Variants in PAQR5 observed in about 807,000 individuals in gnomAD.
The protein encoded by PAQR5 is progestin and adipoQ receptor family member 5.
PAQR5 carries 20 observed loss-of-function variants against 34.5 expected under a neutral mutation model. That is an observed-to-expected ratio of 0.58 (90% CI 0.41 to 0.84). The LOEUF (loss-of-function observed/expected upper bound fraction) is 0.84, where lower values mean the gene tolerates loss of function less well. PAQR5 is among the 40% of genes least tolerant of loss of function. PAQR5 has a pLI of 0.00. For synonymous variants in PAQR5, 131 were observed against 155.6 expected (o/e 0.84, Z 1.18); for missense variants, 378 against 412.7 (o/e 0.92, Z 0.73).
intron 6 of PAQR5, among the ~76,000 whole-genome samples, chr15:69,395,994 T>G (rs1301995279): frequency 1.3e-5 from 2 of 151,866 alleles, no homozygotes; most frequent in Non-Finnish European, 2.9e-5. Flanking sequence ...GGGCCATTTG[T>G]GCTCGGTTGC....
chr15:69,336,785 T>G (rs1247215356), intron 1 of PAQR5, among the ~76,000 whole-genome samples: 1 of 152,248 alleles, frequency 6.6e-6, no homozygotes, highest in Admixed American at 6.5e-5. Context: ...TATAAATATG[T>G]TATTAGTATG....
chr15:69,356,172 T>C (rs1450652415), intron 2 of PAQR5, among the ~76,000 whole-genome samples: 1 of 152,164 alleles, frequency 6.6e-6, no homozygotes, highest in African/African-American at 2.4e-5. Flanking sequence ...GGTAGGCAGG[T>C]CTGTGGAGAC....
intron 7 of PAQR5, 21 bp from the exon 8 acceptor site, chr15:69,399,953 T>C (rs377191861): frequency 2.0e-5 from 32 of 1,609,414 alleles, no homozygotes; most frequent in Admixed American, 5.0e-5. Flanking sequence ...CAAGACCTGA[T>C]GTTTCTTTAA....
intron 1 of PAQR5, among the ~76,000 whole-genome samples, chr15:69,327,113 T>C (rs2054271913): frequency 6.6e-6 from 1 of 151,936 alleles, no homozygotes; most frequent in African/African-American, 2.4e-5. Context: ...GCCTCCCTAG[T>C]AGCTGGGGCT....
At chr15:69,311,038 CAAAAAATAAAAAAA>C (rs1236193914) in intron 1 of PAQR5, among the ~76,000 whole-genome samples, 4 of 36,120 alleles carry the variant, frequency 1.1e-4, no homozygotes, top group African/African-American at 2.4e-4. Context: ...GACTCCGTCG[CAAAAAATAAAAAAA>C]AAAAAAAAAA....
In PAQR5 at chr15:69,355,341, TTTTTTTCTTTCTTTCTTTCTTTCTTTC is replaced by T. The variant is rs2055041866; in HGVS notation, c.-115-4621_-115-4595del. Among the ~76,000 whole-genome samples the T allele has an allele frequency of 8.4e-3, 389 of 46,462 alleles. 2 individuals are homozygous for T. The highest frequency in any genetic ancestry group is 0.074 in the Middle Eastern group (7 of 94). 30.5% of individuals were successfully genotyped at this position (46,462 alleles called of 152,430 possible). ...CTTTCTTTCTTTCTTTCTTTCTTTC[TTTTTTTCTTTCTTTCTTTCTTTCTTTC>T]TTTCTTTCTTTCTTTCTTTCTCTTT... is the stretch of plus-strand genomic sequence containing the variant. On this transcript the variant is annotated intron_variant, in intron 2 of 8. Transcript: ENST00000395407.
intron 3 of PAQR5, among the ~76,000 whole-genome samples, 162 bp downstream of exon 3, chr15:69,360,293 T>A (rs188732810): frequency 1.1e-3 from 162 of 152,278 alleles, no homozygotes; most frequent in Non-Finnish European, 4.9e-4. Flanking sequence ...GCCTCCTACT[T>A]CCCCCACCTA....
intron 1 of PAQR5, among the ~76,000 whole-genome samples, chr15:69,301,699 C>T (rs921137635): frequency 1.3e-5 from 2 of 152,002 alleles, no homozygotes; most frequent in African/African-American, 2.4e-5. Flanking sequence ...GTTATTTTCT[C>T]ATGTGTATTA....
intron 1 of PAQR5, among the ~76,000 whole-genome samples, chr15:69,306,155 T>G (rs1803576355): frequency 6.6e-6 from 1 of 151,112 alleles, no homozygotes; most frequent in African/African-American, 2.4e-5. Context: ...ATGCATGGAG[T>G]GGGGTGTGGG....
chr15:69,356,944 G>A (rs2055094469), intron 2 of PAQR5, among the ~76,000 whole-genome samples: 1 of 152,108 alleles, frequency 6.6e-6, no homozygotes, highest in African/African-American at 2.4e-5. Flanking sequence ...GGGCCTGGAG[G>A]GAGGTGTTTG....
intron 1 of PAQR5, among the ~76,000 whole-genome samples, chr15:69,332,813 C>A (rs867202822): frequency 2.9e-5 from 4 of 140,058 alleles, no homozygotes; most frequent in Middle Eastern, 3.8e-3. Flanking sequence ...AAAGAAACGG[C>A]TTACCTTCTC....
chr15:69,319,158 CATATATATATATATATAT>C (rs869082537), intron 1 of PAQR5, among the ~76,000 whole-genome samples: 84 of 4,268 alleles, frequency 0.02, no homozygotes, highest in East Asian at 0.059. Context: ...TAAATATATA[CATATATATATATATATAT>C]ATATATATAT....
intron 3 of PAQR5, among the ~76,000 whole-genome samples, chr15:69,378,218 T>C (rs1469517289): frequency 8.9e-6 from 1 of 112,884 alleles, no homozygotes; most frequent in Non-Finnish European, 1.7e-5. Context: ...TGAGCCAAGA[T>C]AACAACACTG....
At chr15:69,324,375 G>A (rs1020156478) in intron 1 of PAQR5, among the ~76,000 whole-genome samples, 1 of 152,148 alleles carries the variant, frequency 6.6e-6, no homozygotes, top group African/African-American at 2.4e-5. Flanking sequence ...AAAATGCAGT[G>A]GTGATAATAG....
chr15:69,400,221 G>A (rs1278387774), intron 8 of PAQR5, 106 bp downstream of exon 8: 1 of 1,155,158 alleles, frequency 8.7e-7, no homozygotes, highest in Non-Finnish European at 1.2e-6. Context: ...GAAGGGCAGA[G>A]AGAGAGGCCA....
chr15:69,300,625 CTTTCTTTCTTTCTTTCTTTCTTTCT>C (rs1373255990), intron 1 of PAQR5, among the ~76,000 whole-genome samples: 8 of 50,012 alleles, frequency 1.6e-4, no homozygotes, highest in African/African-American at 5.2e-4. Context: ...TTCTTTCTTT[CTTTCTTTCTTTCTTTCTTTCTTTCT>C]TTTCTTTCTT....
chr15:69,355,717 G>A (rs979488671), intron 2 of PAQR5, among the ~76,000 whole-genome samples: 5 of 151,888 alleles, frequency 3.3e-5, no homozygotes, highest in East Asian at 1.9e-4. Context: ...CATTGTGCCC[G>A]GCCTGTCCTA....
chr15:69,376,830 G>A (rs569169028), intron 3 of PAQR5, among the ~76,000 whole-genome samples: 44 of 152,246 alleles, frequency 2.9e-4, no homozygotes, highest in Admixed American at 1.0e-3. Flanking sequence ...TCTGTTCCCC[G>A]CTGGCTTTTG....
intron 5 of PAQR5, among the ~76,000 whole-genome samples, chr15:69,389,311 G>T (rs1378864671): frequency 6.6e-6 from 1 of 152,228 alleles, no homozygotes; most frequent in Non-Finnish European, 1.5e-5. Context: ...CTAGCTGCAG[G>T]ACCCTGGGCG....
Sources: allele counts gnomAD v4.1 joint callset (sites outside exome capture counted in the v4.1 genomes callset), GRCh38; gene constraint gnomAD v4.1.1; transcripts MANE v1.5; gene names NCBI Gene and HGNC (gene_info 2026-07-23, HGNC 2026-07-21).